The following EPG5 variants were observed in gnomAD, a reference collection of about 807,000 sequenced individuals.
EPG5 encodes ectopic P-granules 5 autophagy tethering factor.
Under a neutral mutation model 302.7 loss-of-function variants are expected in EPG5, and 159 were observed. The observed-to-expected ratio is 0.53, with a 90% CI of 0.46 to 0.60. EPG5 has a LOEUF of 0.60. Among genes scored for constraint, EPG5 ranks in the 20% least tolerant of loss-of-function variants. The pLI, the probability that EPG5 is intolerant of heterozygous loss-of-function variation, is 0.00. For missense variants in EPG5, 2,896 were observed against 3,092.4 expected (o/e 0.94, Z 1.51); for synonymous variants, 1,158 against 1,136.8 (o/e 1.02, Z -0.37).
chr18:45,912,947 G>A (rs904063645), intron 21 of EPG5, among the ~76,000 whole-genome samples: 1 of 152,040 alleles, frequency 6.6e-6, no homozygotes, highest in African/African-American at 2.4e-5. Context: ...AATTAGCTGG[G>A]TGTGGTGGTG....
chr18:45,841,847 G>A, the EPG5 span, among the ~76,000 whole-genome samples: 1 of 152,172 alleles, frequency 6.6e-6, no homozygotes, highest in South Asian at 2.1e-4. Context: ...CCGATTTGTA[G>A]GTCAGGGACA....
Position 45,851,550 on chromosome 18 carries a change from G to A in EPG5, c.*917C>T, listed in dbSNP as rs1440836574. 1 of 152,202 alleles carries A rather than the reference G, an allele frequency of 6.6e-6. No homozygotes were observed. The highest frequency in any genetic ancestry group is 1.5e-5 in the Non-Finnish European group (1 of 68,044). The allele number at this position is 152,202 out of a possible 1,614,324, so 9.4% of individuals were successfully genotyped here. A position where few individuals can be genotyped will look rare whatever the true frequency, so the allele number is the denominator to read the frequency against. On this transcript the variant is annotated 3_prime_UTR_variant, in exon 44 of 44. Coordinates refer to ENST00000282041, the MANE Select transcript of EPG5 (RefSeq NM_020964.3). ...AAACAAGCAGGGAACAGAGAATCAG[G>A]TCTTCAGTCTCCCTCAGTCTCTGTC...
Position 45,897,954 on chromosome 18 carries a change from C to A in EPG5, c.4809+1450G>T, listed in dbSNP as rs1332071860. Among the ~76,000 whole-genome samples, 8 of 152,170 alleles carry A rather than the reference C, an allele frequency of 5.3e-5. No individual in the cohort carries two copies. The South Asian group carries it at 1.2e-3, about 24-fold the overall frequency. On this transcript the variant is annotated intron_variant, in intron 27 of 43. Coordinates refer to ENST00000282041, the MANE Select transcript of EPG5 (RefSeq NM_020964.3). The stretch of plus-strand genomic sequence containing the variant: ...TTTCCAAAAGCTAACAAAAAAGAAT[C>A]ATTTGTGTGTAGACAGATTTAGACA...
intron 10 of EPG5, among the ~76,000 whole-genome samples, chr18:45,936,465 C>T (rs898755443): frequency 2.0e-5 from 3 of 152,094 alleles, no homozygotes; most frequent in Non-Finnish European, 4.4e-5. Context: ...CGGTGGCTCA[C>T]GCCTGTAATC....
At chr18:45,880,263 C>A in intron 31 of EPG5, 40 bp from the exon 32 acceptor site, 2 of 1,506,292 alleles carry the variant, frequency 1.3e-6, no homozygotes, top group African/African-American at 1.4e-5. Flanking sequence ...GTGGCTTTCC[C>A]GAAAGGAATA....
At chr18:45,913,915 T>C (rs2049969437) in intron 20 of EPG5, 87 bp from the exon 21 acceptor site, 2 of 1,499,882 alleles carry the variant, frequency 1.3e-6, no homozygotes, top group Non-Finnish European at 1.8e-6. Flanking sequence ...TTTAAATCTC[T>C]TCCTATCTCA....
chr18:45,927,601 C>T (rs947366260), intron 13 of EPG5, among the ~76,000 whole-genome samples: 90 of 145,412 alleles, frequency 6.2e-4, no homozygotes, highest in Non-Finnish European at 9.8e-4. Flanking sequence ...TATACACACA[C>T]ACACACACAC....
At chr18:45,924,422 T>C (rs879553722) in intron 14 of EPG5, among the ~76,000 whole-genome samples, 4 of 152,184 alleles carry the variant, frequency 2.6e-5, no homozygotes, top group Non-Finnish European at 4.4e-5. Context: ...CAAGGACACC[T>C]CAGCAGAAAA....
At chr18:45,932,194 A>C (rs1267248839) in intron 11 of EPG5, among the ~76,000 whole-genome samples, 1 of 152,162 alleles carries the variant, frequency 6.6e-6, no homozygotes, top group Non-Finnish European at 1.5e-5. Flanking sequence ...AAATCAAGGA[A>C]AAGGCCTTAT....
At chr18:45,825,291 G>A in the EPG5 span, among the ~76,000 whole-genome samples, 4 of 147,740 alleles carry the variant, frequency 2.7e-5, no homozygotes, top group African/African-American at 1.0e-4. Context: ...AAGAAGGGAG[G>A]GAGAAAGGGA....
At position 45,887,823 on chromosome 18, in the gene EPG5, G is replaced by A. The variant is rs374671966; in HGVS notation, c.5037C>T (p.Tyr1679=). ...GATGACGCTGCGTCTCATCGCTGAC[G>A]TAATCCACAATAGTAAAGAAAAGGC... The part of the protein sequence containing the change: ...GISLFFTIVD[Y]VSDETQRHPP... The change falls in exon 29 of 44, where the codon TAC becomes TAT. Residue 1679 remains tyrosine (Y), a synonymous_variant. Coordinates refer to ENST00000282041, the MANE Select transcript of EPG5 (RefSeq NM_020964.3). 3.4e-5 allele frequency: 54 copies of A among 1,605,064 alleles called. No individual in the cohort carries two copies. The highest frequency in any genetic ancestry group is 4.4e-5 in the South Asian group (4 of 90,402).
intron 26 of EPG5, among the ~76,000 whole-genome samples, chr18:45,899,975 C>G (rs9947914): frequency 0.26 from 38,820 of 152,120 alleles, 6,012 homozygotes; most frequent in African/African-American, 0.41. Context: ...GAAAGCTAAT[C>G]GCATACATGG....
intron 8 of EPG5, 152 bp from the exon 9 acceptor site, chr18:45,943,463 G>A: frequency 3.0e-6 from 2 of 661,956 alleles, no homozygotes; most frequent in Non-Finnish European, 5.1e-6. Flanking sequence ...AACATGAAAT[G>A]GGAAAAAACT....
chr18:45,855,009 T>C (rs2048484996), intron 43 of EPG5, among the ~76,000 whole-genome samples: 1 of 152,178 alleles, frequency 6.6e-6, no homozygotes, highest in Non-Finnish European at 1.5e-5. Context: ...TTTTTTACTG[T>C]GCACCTTTGT....
At chr18:45,933,601 C>T (rs535725815) in intron 11 of EPG5, among the ~76,000 whole-genome samples, 1 of 151,782 alleles carries the variant, frequency 6.6e-6, no homozygotes, top group Non-Finnish European at 1.5e-5. Context: ...TCACTTGAGC[C>T]CGGGAGATGG....
chr18:45,959,810 T>A (rs1355603997), intron 1 of EPG5, among the ~76,000 whole-genome samples: 2 of 151,870 alleles, frequency 1.3e-5, no homozygotes, highest in Non-Finnish European at 2.9e-5. Context: ...TGAAGCCCCA[T>A]CTTTACTAAA....
chr18:45,967,028 A>C (rs2051279591), intron 1 of EPG5, 149 bp downstream of exon 1: 1 of 706,232 alleles, frequency 1.4e-6, no homozygotes, highest in Admixed American at 3.1e-5. Context: ...GCCGGTGTCA[A>C]CGGGTGGTGG....
chr18:45,908,948 CA>C (rs200257740), intron 23 of EPG5, among the ~76,000 whole-genome samples: 1,763 of 114,472 alleles, frequency 0.015, 34 homozygotes, highest in Admixed American at 0.069. Flanking sequence ...GACTCTGCCT[CA>C]AAAAAAAAAA....
At chr18:45,923,180 G>GTATAA in intron 15 of EPG5, 88 bp downstream of exon 15, 1 of 1,393,928 alleles carries the variant, frequency 7.2e-7, no homozygotes, top group Middle Eastern at 1.9e-4. Flanking sequence ...GATACCTAAT[G>GTATAA]GTCAATAGTA....
Sources: allele counts gnomAD v4.1 joint callset (sites outside exome capture counted in the v4.1 genomes callset), GRCh38; gene constraint gnomAD v4.1.1; transcripts MANE v1.5; gene names NCBI Gene and HGNC (gene_info 2026-07-23, HGNC 2026-07-21).